AOPEP: variants seen among roughly 807,000 people sequenced by gnomAD.
AOPEP encodes the protein aminopeptidase O.
In AOPEP, 77 loss-of-function variants were observed where a neutral mutation model predicts 98.1. The observed-to-expected ratio is 0.78, with a 90% CI of 0.65 to 0.95. The LOEUF is 0.95. AOPEP is among the 40% of genes least tolerant of loss of function. The pLI is 0.00. For synonymous variants in AOPEP, 346 were observed against 365.3 expected (o/e 0.95, Z 0.60); for missense variants, 1,024 against 1,024.7 (o/e 1.00, Z 0.01).
intron 3 of AOPEP, among the ~76,000 whole-genome samples, chr9:94,787,367 G>A (rs1844662160): frequency 6.6e-6 from 1 of 152,168 alleles, no homozygotes; most frequent in African/African-American, 2.4e-5. Context: ...GATTTCTATT[G>A]ACCTTGTGCA....
chr9:95,005,623 G>C lies in AOPEP; in HGVS notation c.2115+7G>C. ...GGAAGAGGTGTTTGAAAAGGTAGGG[G>C]TTCCCGAGACGGTACTCGGTGCAGG... On this transcript the variant is annotated splice_region_variant and intron_variant, in intron 13 of 16. Transcript: ENST00000375315. 3 of 1,613,308 alleles carry C rather than the reference G, an allele frequency of 1.9e-6. No individual in the cohort carries two copies. Among genetic ancestry groups the C allele is most frequent in the Non-Finnish European group, 2.5e-6 (3 of 1,179,314 alleles).
intron 5 of AOPEP, among the ~76,000 whole-genome samples, chr9:94,909,754 G>A (rs2051734165): frequency 6.6e-6 from 1 of 152,230 alleles, no homozygotes; most frequent in Non-Finnish European, 1.5e-5. Flanking sequence ...CAGGCAAGGG[G>A]TGTCTGTTGG....
At chr9:95,032,377 T>G (rs777460478) in intron 13 of AOPEP, among the ~76,000 whole-genome samples, 2 of 152,196 alleles carry the variant, frequency 1.3e-5, no homozygotes, top group Non-Finnish European at 2.9e-5. Context: ...CCCAGGGAAA[T>G]GAAGCAGATA....
At chr9:95,084,647 G>A (rs2070376576) in intron 16 of AOPEP, among the ~76,000 whole-genome samples, 1 of 152,132 alleles carries the variant, frequency 6.6e-6, no homozygotes, top group East Asian at 1.9e-4. Flanking sequence ...CACACCCCTC[G>A]CCACTCTTTA....
intron 5 of AOPEP, among the ~76,000 whole-genome samples, chr9:94,833,568 G>A (rs2041190043): frequency 6.6e-6 from 1 of 152,066 alleles, no homozygotes; most frequent in Non-Finnish European, 1.5e-5. Context: ...AGGAAGCAAA[G>A]AAGCTACTGA....
the AOPEP span, among the ~76,000 whole-genome samples, chr9:95,139,020 T>C: frequency 6.6e-6 from 1 of 152,164 alleles, no homozygotes; most frequent in South Asian, 2.1e-4. Flanking sequence ...CTTAACTCTT[T>C]GTAATCACCC....
the AOPEP span, among the ~76,000 whole-genome samples, chr9:95,092,304 T>C: frequency 6.6e-6 from 1 of 151,924 alleles, no homozygotes; most frequent in African/African-American, 2.4e-5. Context: ...GACCAGAGCC[T>C]CCCACCCCCG....
intron 11 of AOPEP, among the ~76,000 whole-genome samples, chr9:94,979,683 A>C (rs1397907626): frequency 6.6e-6 from 1 of 152,066 alleles, no homozygotes; most frequent in Non-Finnish European, 1.5e-5. Context: ...GCTAAATGAG[A>C]CCCTGCAAGA....
At chr9:95,131,323 T>C in the AOPEP span, among the ~76,000 whole-genome samples, 3 of 152,230 alleles carry the variant, frequency 2.0e-5, no homozygotes, top group Admixed American at 2.0e-4. Context: ...TAGCCCAAGC[T>C]GGAAGAAAGC....
At chr9:94,844,412 C>T (rs1232409552) in intron 5 of AOPEP, among the ~76,000 whole-genome samples, 1 of 152,200 alleles carries the variant, frequency 6.6e-6, no homozygotes, top group Non-Finnish European at 1.5e-5. Flanking sequence ...TGTGATGTTT[C>T]AGTGCATGTA....
At chr9:95,116,615 G>A in the AOPEP span, among the ~76,000 whole-genome samples, 1 of 152,340 alleles carries the variant, frequency 6.6e-6, no homozygotes, top group East Asian at 1.9e-4. Context: ...CGCAGTCTGT[G>A]CCCATGTCAG....
rs182042006 is a variant in AOPEP at position 95,016,457 on chromosome 9, G to C, written c.2115+10841G>C. On this transcript the variant is annotated intron_variant, in intron 13 of 16. Transcript: ENST00000375315. ...GGGGTTTCATCATGTTGACCAGGCT[G>C]GTGCTGAACTCCTGACCTCAGGTAA... 7.2e-3 allele frequency among the ~76,000 whole-genome samples: 1,097 copies of C among 151,652 alleles called. 4 individuals carry two copies. The highest frequency in any genetic ancestry group is 0.01 in the Non-Finnish European group (695 of 67,902).
At chr9:94,840,575 TA>T (rs2134787865) in intron 5 of AOPEP, among the ~76,000 whole-genome samples, 1 of 152,276 alleles carries the variant, frequency 6.6e-6, no homozygotes, top group South Asian at 2.1e-4. Flanking sequence ...GTAGAATTGG[TA>T]TTATTTCTTC....
At position 94,757,330 on chromosome 9, in the gene AOPEP, G is replaced by A. The variant is rs540469201; in HGVS notation, c.-135-2319G>A. 1.4e-4 allele frequency among the ~76,000 whole-genome samples: 21 copies of A among 152,316 alleles called. No homozygotes were observed. In the South Asian group the frequency reaches 3.3e-3, roughly 24 times the overall value. On this transcript the variant is annotated intron_variant, in intron 1 of 16. Coordinates refer to ENST00000375315, the MANE Select transcript of AOPEP (RefSeq NM_001193329.3). ...AGAATTGCCTCTGTGGAGAGTATGC[G>A]AAAGAATCCACTAAAGAGAACCAAT... is the stretch of plus-strand genomic sequence containing the variant.
chr9:94,857,414 CT>C (rs1394982920), intron 5 of AOPEP, among the ~76,000 whole-genome samples: 1 of 152,202 alleles, frequency 6.6e-6, no homozygotes, highest in Non-Finnish European at 1.5e-5. Flanking sequence ...TCTCCAACGA[CT>C]TAATATTCCT....
chr9:95,057,867 G>T (rs2066963870), intron 13 of AOPEP, among the ~76,000 whole-genome samples: 1 of 152,162 alleles, frequency 6.6e-6, no homozygotes, highest in South Asian at 2.1e-4. Flanking sequence ...GCATGAAGCT[G>T]GCTCTGGCAG....
chr9:95,039,461 A>G (rs967719590), intron 13 of AOPEP, among the ~76,000 whole-genome samples: 10 of 152,256 alleles, frequency 6.6e-5, no homozygotes, highest in African/African-American at 1.7e-4. Context: ...AGTTCCAGCA[A>G]CTTGGAAGGC....
chr9:94,976,947 G>A (rs1242177726), intron 10 of AOPEP, among the ~76,000 whole-genome samples: 2 of 152,164 alleles, frequency 1.3e-5, no homozygotes, highest in African/African-American at 2.4e-5. Context: ...AATTACAGGC[G>A]TGAGCCACTG....
chr9:94,850,860 C>T (rs2135168602), intron 5 of AOPEP, among the ~76,000 whole-genome samples: 1 of 152,324 alleles, frequency 6.6e-6, no homozygotes, highest in East Asian at 1.9e-4. Flanking sequence ...TAGGCAGGGA[C>T]ATTTGACAAG....
Sources: allele counts gnomAD v4.1 joint callset (sites outside exome capture counted in the v4.1 genomes callset), GRCh38; gene constraint gnomAD v4.1.1; transcripts MANE v1.5; gene names NCBI Gene and HGNC (gene_info 2026-07-23, HGNC 2026-07-21).